TMC2: variants seen among roughly 807,000 people sequenced by gnomAD.
TMC2 encodes the protein transmembrane channel-like protein 2.
TMC2 carries 102 observed loss-of-function variants against 105.9 expected under a neutral mutation model. The ratio of observed to expected loss-of-function variants is 0.96; its 90% confidence interval spans 0.82 to 1.14. The LOEUF is 1.14. Among genes scored for constraint, TMC2 ranks in the 50% most tolerant of loss-of-function variants. The pLI is 0.00. For missense variants in TMC2, 1,093 were observed against 1,134.3 expected (o/e 0.96, Z 0.52); for synonymous variants, 402 against 422.8 (o/e 0.95, Z 0.60).
rs181798248 is a variant in TMC2, at chr20:2,568,760, G to C, written c.555-3419G>C. Among the ~76,000 whole-genome samples the C allele has an allele frequency of 3.4e-3, 517 of 152,284 alleles. 4 individuals are homozygous for C. The highest frequency in any genetic ancestry group is 0.012 in the African/African-American group (478 of 41,560). On this transcript the variant is annotated intron_variant, in intron 4 of 19. Coordinates refer to ENST00000358864, the MANE Select transcript of TMC2 (RefSeq NM_080751.3). ...ACTGGCAGGACATCTCCTGCCAAGG[G>C]GGGGAACAGGGAGAAGATCCCATTG... is the stretch of plus-strand genomic sequence containing the variant.
intron 4 of TMC2, among the ~76,000 whole-genome samples, chr20:2,569,081 G>A (rs1436943461): frequency 6.6e-6 from 1 of 152,162 alleles, no homozygotes; most frequent in Non-Finnish European, 1.5e-5. Flanking sequence ...GGTTTATCTA[G>A]TGGTTGCTGA....
At chr20:2,586,638 G>T (rs979121874) in intron 7 of TMC2, among the ~76,000 whole-genome samples, 7 of 152,156 alleles carry the variant, frequency 4.6e-5, no homozygotes, top group Non-Finnish European at 8.8e-5. Context: ...ACCATATCTC[G>T]TGTGAACTAA....
intron 11 of TMC2, among the ~76,000 whole-genome samples, chr20:2,603,389 G>T (rs1055890227): frequency 6.6e-6 from 1 of 152,046 alleles, no homozygotes; most frequent in South Asian, 2.1e-4. Context: ...TTGATAGGAG[G>T]ACAAATATAA....
At chr20:2,548,531 G>A (rs1000601640) in intron 2 of TMC2, among the ~76,000 whole-genome samples, 5 of 151,920 alleles carry the variant, frequency 3.3e-5, no homozygotes, top group Non-Finnish European at 7.4e-5. Flanking sequence ...CCAGCTACTC[G>A]GGAGGCTGAG....
chr20:2,622,858 A>G (rs1029846329), intron 16 of TMC2, among the ~76,000 whole-genome samples: 4 of 152,118 alleles, frequency 2.6e-5, no homozygotes, highest in Non-Finnish European at 5.9e-5. Flanking sequence ...GTTTTATATC[A>G]ATTCTCATCT....
intron 17 of TMC2, among the ~76,000 whole-genome samples, chr20:2,634,322 A>C (rs1264529359): frequency 6.6e-6 from 1 of 152,214 alleles, no homozygotes; most frequent in Non-Finnish European, 1.5e-5. Flanking sequence ...ACTCACAGAG[A>C]TTCCAGGACC....
intron 5 of TMC2, among the ~76,000 whole-genome samples, chr20:2,578,040 G>A (rs2086160172): frequency 6.6e-6 from 1 of 152,120 alleles, no homozygotes; most frequent in Non-Finnish European, 1.5e-5. Context: ...TAGGAACCGG[G>A]CCAGGCACAG....
chr20:2,624,271 T>C lies in TMC2; in HGVS notation c.2181T>C (p.Ser727=), dbSNP rs193219050. The change falls in exon 17 of 20, where the codon AGT becomes AGC. Residue 727 remains serine, a splice_region_variant and synonymous_variant. Coordinates refer to ENST00000358864, the MANE Select transcript of TMC2 (RefSeq NM_080751.3). The part of the protein sequence containing the change: ...LPPSFDCGPF[S]GKNRMYDVLQ... Reference sequence around the variant, plus strand: ...ATATTGTGTCCTCTCCTTTTTCCAGTGGGAAAAACAGAATGTACGATGTCC... The same window carrying C: ...ATATTGTGTCCTCTCCTTTTTCCAGCGGGAAAAACAGAATGTACGATGTCC... 3.7e-6 allele frequency: 6 copies of C among 1,613,728 alleles called. No individual in the cohort carries two copies. In the South Asian group the frequency reaches 5.5e-5, roughly 15 times the overall value.
intron 6 of TMC2, among the ~76,000 whole-genome samples, chr20:2,579,608 G>A (rs939195990): frequency 6.6e-6 from 1 of 151,702 alleles, no homozygotes; most frequent in African/African-American, 2.4e-5. Context: ...ATATTTAATA[G>A]AGACAGGGTT....
At chr20:2,598,807 G>T (rs2086328334) in intron 10 of TMC2, among the ~76,000 whole-genome samples, 1 of 152,034 alleles carries the variant, frequency 6.6e-6, no homozygotes, top group African/African-American at 2.4e-5. Flanking sequence ...GTGAGACTGG[G>T]TGTTGTTTAT....
intron 7 of TMC2, among the ~76,000 whole-genome samples, chr20:2,581,373 C>A (rs889065781): frequency 2.0e-5 from 3 of 152,176 alleles, no homozygotes; most frequent in African/African-American, 7.2e-5. Context: ...CATAAACACA[C>A]CTAGAAATCA....
intron 16 of TMC2, among the ~76,000 whole-genome samples, chr20:2,620,095 A>G (rs990369862): frequency 6.6e-6 from 1 of 152,158 alleles, no homozygotes; most frequent in East Asian, 1.9e-4. Context: ...GAAAAAAAGA[A>G]AAGAGAAGAG....
At chr20:2,539,181 C>T (rs181125406) in intron 2 of TMC2, among the ~76,000 whole-genome samples, 1 of 152,252 alleles carries the variant, frequency 6.6e-6, no homozygotes, top group East Asian at 1.9e-4. Context: ...GGCTTGGAGG[C>T]CTTCCTAGCA....
In TMC2 at chr20:2,637,522, G is replaced by C. The variant is rs201351174; in HGVS notation, c.2434G>C (p.Ala812Pro). ...CAAATCTGTAAAAGGCAAAGCCACA[G>C]CCAGAGATTCAGAGGACACACCTAA... Reference protein sequence around the residue: ...SHKSVKGKATARDSEDTPKSS... With the variant: ...SHKSVKGKATPRDSEDTPKSS... The change falls in exon 19 of 20, where the codon GCC becomes CCC. Residue 812 changes from alanine (A) to proline (P), a missense_variant. Ala to Pro is a conservative substitution (Grantham distance 27). Transcript: ENST00000358864. 1 of 1,614,064 alleles carries C rather than the reference G, an allele frequency of 6.2e-7. No homozygotes were observed. Among genetic ancestry groups the C allele is most frequent in the East Asian group, 2.2e-5 (1 of 44,882 alleles).
At chr20:2,620,600 C>T (rs1215999811) in intron 16 of TMC2, among the ~76,000 whole-genome samples, 3 of 152,152 alleles carry the variant, frequency 2.0e-5, no homozygotes, top group African/African-American at 7.2e-5. Context: ...GGAAACATTA[C>T]CAACTTGGAC....
chr20:2,619,572 G>A (rs1027833407), intron 16 of TMC2, among the ~76,000 whole-genome samples: 3 of 152,292 alleles, frequency 2.0e-5, no homozygotes, highest in African/African-American at 7.2e-5. Flanking sequence ...GACTTTACTA[G>A]ATAAAGGCCT....
intron 17 of TMC2, among the ~76,000 whole-genome samples, chr20:2,634,008 T>C (rs1034051422): frequency 1.3e-4 from 20 of 152,272 alleles, no homozygotes; most frequent in African/African-American, 4.6e-4. Flanking sequence ...TGGATGGGCT[T>C]AAAGACTTTG....
intron 2 of TMC2, among the ~76,000 whole-genome samples, chr20:2,538,834 C>G (rs1454309839): frequency 1.3e-5 from 2 of 152,162 alleles, no homozygotes; most frequent in Non-Finnish European, 2.9e-5. Context: ...AAACCCAGCC[C>G]CATGAAGGTT....
At chr20:2,555,475 G>T (rs1460056039) in intron 2 of TMC2, among the ~76,000 whole-genome samples, 1 of 151,980 alleles carries the variant, frequency 6.6e-6, no homozygotes, top group Non-Finnish European at 1.5e-5. Flanking sequence ...TATAATCAGG[G>T]TTAACACGAT....
Sources: allele counts gnomAD v4.1 joint callset (sites outside exome capture counted in the v4.1 genomes callset), GRCh38; gene constraint gnomAD v4.1.1; transcripts MANE v1.5; gene names NCBI Gene and HGNC (gene_info 2026-07-23, HGNC 2026-07-21).